CSMD1: variants seen among roughly 807,000 people sequenced by gnomAD.
The protein encoded by CSMD1 is CUB and sushi domain-containing protein 1.
Under a neutral mutation model 417.5 loss-of-function variants are expected in CSMD1, and 213 were observed. The observed-to-expected ratio is 0.51, with a 90% CI of 0.46 to 0.57. The LOEUF is 0.57. Among genes scored for constraint, CSMD1 ranks in the 20% least tolerant of loss-of-function variants. CSMD1 has a pLI of 0.00. For synonymous variants in CSMD1, 2,862 were observed against 1,736.8 expected (o/e 1.65, Z -16.11); for missense variants, 6,923 against 4,529.7 (o/e 1.53, Z -15.17).
intron 25 of CSMD1, among the ~76,000 whole-genome samples, chr8:3,305,455 G>T (rs965911514): frequency 1.3e-5 from 2 of 151,082 alleles, no homozygotes; most frequent in Non-Finnish European, 3.0e-5. Context: ...ATAAGGGCTG[G>T]GCCCTCATGA....
chr8:3,998,099 A>G lies in CSMD1; in HGVS notation c.622T>C (p.Cys208Arg). 1 of 1,568,336 alleles carries G rather than the reference A, an allele frequency of 6.4e-7. No homozygotes were observed. The highest frequency in any genetic ancestry group is 8.7e-7 in the Non-Finnish European group (1 of 1,155,636). The change falls in exon 5 of 70, where the codon TGC becomes CGC. Residue 208 changes from cysteine to arginine, a missense_variant. By Grantham distance (180) the Cys-to-Arg change is radical. Coordinates refer to ENST00000635120, the MANE Select transcript of CSMD1 (RefSeq NM_033225.6). ...CTGGTCCCGCGTAAGGTTCCTCCGC[A>G]GGCTCCCTCAGCTGCAGGGGCAAAA... Reference protein sequence around the residue: ...PAPFCRAEGACGGTLRGTSSS... With the variant: ...PAPFCRAEGARGGTLRGTSSS...
rs550306239 is a variant in CSMD1 at position 4,491,666 on chromosome 8, G to C, written c.303-71601C>G. On this transcript the variant is annotated intron_variant, in intron 2 of 69. Coordinates refer to ENST00000635120, the MANE Select transcript of CSMD1 (RefSeq NM_033225.6). Reference sequence around the variant, plus strand: ...GCTCAACCTCATGTCCTTAGAACATGAGACACCACTACACACCAATGAAGA... The same window carrying C: ...GCTCAACCTCATGTCCTTAGAACATCAGACACCACTACACACCAATGAAGA... Among the ~76,000 whole-genome samples, 3 of 152,266 alleles carry C rather than the reference G, an allele frequency of 2.0e-5. No homozygotes were observed. The East Asian group carries it at 5.8e-4, about 29-fold the overall frequency.
intron 26 of CSMD1, among the ~76,000 whole-genome samples, chr8:3,251,559 T>C (rs924700710): frequency 6.6e-6 from 1 of 152,182 alleles, no homozygotes; most frequent in African/African-American, 2.4e-5. Context: ...TCTTTTTTGG[T>C]TCCATATGAA....
At chr8:3,903,743 G>C (rs1371439171) in intron 5 of CSMD1, among the ~76,000 whole-genome samples, 1 of 152,176 alleles carries the variant, frequency 6.6e-6, no homozygotes, top group East Asian at 1.9e-4. Context: ...TCAACTTTCA[G>C]GTGATGGACT....
At chr8:4,218,326 A>G (rs1800808496) in intron 3 of CSMD1, among the ~76,000 whole-genome samples, 1 of 152,186 alleles carries the variant, frequency 6.6e-6, no homozygotes, top group African/African-American at 2.4e-5. Context: ...CCTATTCATT[A>G]ATGCAGAATA....
At chr8:4,327,986 A>G (rs1799652751) in intron 3 of CSMD1, among the ~76,000 whole-genome samples, 1 of 152,196 alleles carries the variant, frequency 6.6e-6, no homozygotes, top group Non-Finnish European at 1.5e-5. Context: ...TTTAACATTT[A>G]CCAGTAAACT....
At chr8:3,905,931 G>A (rs1463242996) in intron 5 of CSMD1, among the ~76,000 whole-genome samples, 2 of 152,158 alleles carry the variant, frequency 1.3e-5, no homozygotes, top group African/African-American at 2.4e-5. Flanking sequence ...TTATAACCAT[G>A]TTTTTGGTGC....
At chr8:4,646,998 C>CT (rs1314992693) in intron 1 of CSMD1, among the ~76,000 whole-genome samples, 11 of 152,172 alleles carry the variant, frequency 7.2e-5, no homozygotes, top group Non-Finnish European at 1.2e-4. Context: ...TAGTCATAGA[C>CT]TAACAGCCAA....
At chr8:4,487,957 C>G (rs189019232) in intron 2 of CSMD1, among the ~76,000 whole-genome samples, 3 of 152,118 alleles carry the variant, frequency 2.0e-5, no homozygotes, top group Admixed American at 1.3e-4. Context: ...GTTTGCGTCC[C>G]TCCGAAATGT....
At chr8:3,797,256 A>G (rs1800205449) in intron 5 of CSMD1, among the ~76,000 whole-genome samples, 1 of 151,898 alleles carries the variant, frequency 6.6e-6, no homozygotes, top group African/African-American at 2.4e-5. Flanking sequence ...AGTGGCTATA[A>G]AGTAGTTTTT....
chr8:3,479,933 A>T lies in CSMD1; in HGVS notation c.1449-11109T>A, dbSNP rs537958083. ...AACTAAAAGGAAATTATGGAACTAA[A>T]AATAACAGAAGAGAAAACTAAAAAT... On this transcript the variant is annotated intron_variant, in intron 11 of 69. Coordinates refer to ENST00000635120, the MANE Select transcript of CSMD1 (RefSeq NM_033225.6). Among the ~76,000 whole-genome samples, 19 of 152,362 alleles carry T rather than the reference A, an allele frequency of 1.2e-4. 1 individual carries two copies. The South Asian group carries it at 3.7e-3, about 30-fold the overall frequency.
chr8:3,884,212 A>C (rs994151905), intron 5 of CSMD1, among the ~76,000 whole-genome samples: 3 of 152,238 alleles, frequency 2.0e-5, no homozygotes, highest in African/African-American at 7.2e-5. Flanking sequence ...AGTTTGTTTA[A>C]TAAGCCTTCC....
chr8:3,364,334 T>G (rs1454660681), intron 20 of CSMD1, among the ~76,000 whole-genome samples: 1 of 152,214 alleles, frequency 6.6e-6, no homozygotes, highest in African/African-American at 2.4e-5. Flanking sequence ...TTTCTGCTTG[T>G]GTGCAACTGT....
intron 3 of CSMD1, among the ~76,000 whole-genome samples, chr8:4,419,165 A>T (rs79158188): frequency 0.011 from 1,671 of 152,316 alleles, 37 homozygotes; most frequent in African/African-American, 0.039. Context: ...GAATTGGTTT[A>T]CACCCCTAAC....
chr8:4,370,777 G>C (rs1256121015), intron 3 of CSMD1, among the ~76,000 whole-genome samples: 1 of 152,210 alleles, frequency 6.6e-6, no homozygotes, highest in African/African-American at 2.4e-5. Context: ...TAATTCACAA[G>C]ATCCAGTTTG....
intron 3 of CSMD1, among the ~76,000 whole-genome samples, chr8:4,042,815 TAAAAAAAAA>T (rs60411612): frequency 0.012 from 510 of 41,322 alleles, 36 homozygotes; most frequent in African/African-American, 0.04. Context: ...TACAACATAT[TAAAAAAAAA>T]AAAAAAAAAA....
At chr8:3,845,358 A>G (rs1040386506) in intron 5 of CSMD1, among the ~76,000 whole-genome samples, 36 of 152,218 alleles carry the variant, frequency 2.4e-4, no homozygotes, top group African/African-American at 8.7e-4. Context: ...CTCCTGGACC[A>G]CACACCTGTA....
At chr8:4,425,468 G>A (rs115757601) in intron 2 of CSMD1, among the ~76,000 whole-genome samples, 18 of 151,802 alleles carry the variant, frequency 1.2e-4, no homozygotes, top group African/African-American at 3.4e-4. Flanking sequence ...GAGCTTTCAA[G>A]AGCTAAATTT....
rs762068975 is a variant in CSMD1, at chr8:4,079,658, G to A, written c.416-47559C>T. Among the ~76,000 whole-genome samples the A allele has an allele frequency of 4.6e-5, 7 of 152,324 alleles. No individual in the cohort carries two copies. In the Middle Eastern group the frequency reaches 0.014, roughly 296 times the overall value. On this transcript the variant is annotated intron_variant, in intron 3 of 69. Transcript: ENST00000635120. ...TGATACACAGACACATTGTTTCAGC[G>A]TTCTTGTGGGTTCACATTAATTTAT...
Sources: allele counts gnomAD v4.1 joint callset (sites outside exome capture counted in the v4.1 genomes callset), GRCh38; gene constraint gnomAD v4.1.1; transcripts MANE v1.5; gene names NCBI Gene and HGNC (gene_info 2026-07-23, HGNC 2026-07-21).